NAV3: variants seen among roughly 807,000 people sequenced by gnomAD.
The protein encoded by NAV3 is neuron navigator 3, also known as pore membrane and/or filament interacting like protein 1.
Under a neutral mutation model 244.7 loss-of-function variants are expected in NAV3, and 87 were observed. The ratio of observed to expected loss-of-function variants is 0.36; its 90% confidence interval spans 0.30 to 0.42. The LOEUF (loss-of-function observed/expected upper bound fraction) is 0.42. Ranked by LOEUF, NAV3 falls within the 20% of genes least tolerant of loss-of-function variation. NAV3 has a pLI of 1.00. For missense variants in NAV3, 2,663 were observed against 2,893.3 expected, an observed-to-expected ratio of 0.92 and a Z score of 1.83; for synonymous variants, 1,126 against 1,042.2, an observed-to-expected ratio of 1.08 and a Z score of -1.55.
chr12:78,051,231 G>A (rs1170383548), intron 11 of NAV3, 84 bp downstream of exon 11: 6 of 1,472,988 alleles, frequency 4.1e-6, no homozygotes, highest in Non-Finnish European at 5.5e-6. Flanking sequence ...AAATGTGTAA[G>A]TTTGCCCAGA....
chr12:77,659,964 T>A (rs1592552689), intron 2 of NAV3, among the ~76,000 whole-genome samples: 1 of 58,594 alleles, frequency 1.7e-5, no homozygotes, highest in Non-Finnish European at 3.1e-5. Context: ...TGTTGTGGGG[T>A]AGGGGGAGGG....
intron 2 of NAV3, among the ~76,000 whole-genome samples, chr12:77,601,785 A>C (rs1870444863): frequency 1.3e-5 from 2 of 151,958 alleles, no homozygotes; most frequent in African/African-American, 4.8e-5. Context: ...AGACATAGAA[A>C]ATTCTAAGCC....
At chr12:77,655,531 T>A (rs574317843) in intron 2 of NAV3, among the ~76,000 whole-genome samples, 209 of 152,308 alleles carry the variant, frequency 1.4e-3, no homozygotes, top group African/African-American at 4.7e-3. Context: ...GAAAACAATG[T>A]GCAGGATATT....
chr12:78,146,775 A>G (rs1204923963), intron 21 of NAV3, among the ~76,000 whole-genome samples: 1 of 152,078 alleles, frequency 6.6e-6, no homozygotes, highest in Admixed American at 6.6e-5. Flanking sequence ...CCAAGCCTCC[A>G]CAACACAGGA....
chr12:77,994,402 T>A (rs1871990313), intron 5 of NAV3, among the ~76,000 whole-genome samples: 1 of 152,264 alleles, frequency 6.6e-6, no homozygotes, highest in Non-Finnish European at 1.5e-5. Flanking sequence ...CTCATACTCT[T>A]CTTTTACATT....
chr12:77,653,487 A>C (rs1471601222), intron 2 of NAV3, among the ~76,000 whole-genome samples: 2 of 152,254 alleles, frequency 1.3e-5, no homozygotes, highest in Non-Finnish European at 2.9e-5. Context: ...AGGGAAGTTC[A>C]TAGTTCTAAT....
At chr12:78,208,173 G>A (rs1019070482) in intron 39 of NAV3, among the ~76,000 whole-genome samples, 6 of 152,124 alleles carry the variant, frequency 3.9e-5, no homozygotes, top group African/African-American at 1.4e-4. Flanking sequence ...AGTGGAAGAG[G>A]AGTGGGAGTG....
At chr12:77,964,393 T>C (rs1277865770) in intron 3 of NAV3, among the ~76,000 whole-genome samples, 1 of 152,198 alleles carries the variant, frequency 6.6e-6, no homozygotes, top group East Asian at 1.9e-4. Context: ...TCAAGAACTT[T>C]AGGACTGCTC....
At chr12:78,200,847 T>G (rs1240229525) in intron 38 of NAV3, among the ~76,000 whole-genome samples, 3 of 151,842 alleles carry the variant, frequency 2.0e-5, no homozygotes, top group African/African-American at 7.2e-5. Flanking sequence ...TCATGGATGT[T>G]TACAGGTTGT....
At chr12:78,031,798 G>A (rs970174973) in intron 9 of NAV3, among the ~76,000 whole-genome samples, 3 of 151,046 alleles carry the variant, frequency 2.0e-5, no homozygotes, top group East Asian at 3.9e-4. Flanking sequence ...TGACGAGTTA[G>A]TGGGTGCAGC....
intron 5 of NAV3, among the ~76,000 whole-genome samples, chr12:77,979,458 G>C (rs75334266): frequency 0.047 from 7,155 of 151,920 alleles, 202 homozygotes; most frequent in Non-Finnish European, 0.072. Context: ...ATGATCATTA[G>C]ATTATTTTTC....
intron 3 of NAV3, among the ~76,000 whole-genome samples, chr12:77,944,742 A>C (rs1677892): frequency 0.84 from 127,619 of 152,004 alleles, 53,711 homozygotes; most frequent in East Asian, 0.98. Flanking sequence ...ATAAATATTT[A>C]TGTGATAGAG....
At chr12:77,766,777 G>A (rs147603132) in intron 2 of NAV3, among the ~76,000 whole-genome samples, 11 of 41,992 alleles carry the variant, frequency 2.6e-4, no homozygotes, top group South Asian at 2.2e-3. Context: ...TTTTTGAGAC[G>A]GAGTCTCGCT....
chr12:77,805,983 G>GT (rs757034591), intron 2 of NAV3, among the ~76,000 whole-genome samples: 27 of 152,270 alleles, frequency 1.8e-4, no homozygotes, highest in Admixed American at 4.6e-4. Context: ...TCTGATGGTA[G>GT]TTTGTATTTC....
chr12:77,641,948 G>A (rs1003459563), intron 2 of NAV3, among the ~76,000 whole-genome samples: 3 of 152,100 alleles, frequency 2.0e-5, no homozygotes, highest in African/African-American at 7.2e-5. Context: ...GCAGAATTAC[G>A]GGCAGGCAGA....
upstream of NAV3, among the ~76,000 whole-genome samples, chr12:77,829,841 C>T (rs982702707): frequency 2.0e-5 from 3 of 152,150 alleles, no homozygotes; most frequent in African/African-American, 7.2e-5. Context: ...GACCTGGAAA[C>T]AGTAGGCCAA....
chr12:78,100,943 G>T (rs761887103), intron 12 of NAV3, among the ~76,000 whole-genome samples: 1 of 152,058 alleles, frequency 6.6e-6, no homozygotes, highest in African/African-American at 2.4e-5. Context: ...GCTATCTAAA[G>T]TTATCTCCTC....
chr12:77,616,436 CAT>C (rs1871146065), intron 2 of NAV3, among the ~76,000 whole-genome samples: 1 of 152,030 alleles, frequency 6.6e-6, no homozygotes, highest in East Asian at 1.9e-4. Flanking sequence ...TAAATCCCTG[CAT>C]AGTTTTTTCA....
intron 2 of NAV3, among the ~76,000 whole-genome samples, chr12:77,747,497 TA>T (rs1868611052): frequency 6.6e-6 from 1 of 152,168 alleles, no homozygotes; most frequent in Non-Finnish European, 1.5e-5. Flanking sequence ...GATGTAGAAC[TA>T]GAAATACCAT....
Sources: gnomAD v4.1 joint callset for allele counts (sites outside exome capture counted in the v4.1 genomes callset) on GRCh38, gnomAD v4.1.1 for gene constraint, MANE v1.5 for transcripts, NCBI Gene and HGNC (gene_info 2026-07-23, HGNC 2026-07-21) for gene names.